The following RAPGEF2 variants were observed in gnomAD, a reference collection of about 807,000 sequenced individuals.
RAPGEF2 encodes Rap guanine nucleotide exchange factor 2.
In RAPGEF2, 54 loss-of-function variants were observed where a neutral mutation model predicts 186.7. That is an observed-to-expected ratio of 0.29 (90% CI 0.23 to 0.36). RAPGEF2 has a LOEUF of 0.36. Among genes scored for constraint, RAPGEF2 ranks in the 10% least tolerant of loss-of-function variants. RAPGEF2 has a pLI of 1.00. For synonymous variants in RAPGEF2, 712 were observed against 705.9 expected (o/e 1.01, Z -0.14); for missense variants, 1,532 against 2,045.0 (o/e 0.75, Z 4.84).
At chr4:159,153,873 A>AGGACATATACAAGCCTCATT (rs1743825111) in intron 1 of RAPGEF2, among the ~76,000 whole-genome samples, 2 of 152,240 alleles carry the variant, frequency 1.3e-5, no homozygotes, top group African/African-American at 2.4e-5. Flanking sequence ...TTGCATTAAA[A>AGGACATATACAAGCCTCATT]GGACATATAC....
At chr4:159,330,111 A>C (rs1204142140) in intron 12 of RAPGEF2, 101 bp downstream of exon 12, 2 of 1,246,844 alleles carry the variant, frequency 1.6e-6, no homozygotes, top group African/African-American at 3.0e-5. Flanking sequence ...CTATCTCTTA[A>C]AGGTTATCAG....
At chr4:159,105,358 T>A (rs1737762591) in intron 1 of RAPGEF2, among the ~76,000 whole-genome samples, 1 of 152,184 alleles carries the variant, frequency 6.6e-6, no homozygotes, top group African/African-American at 2.4e-5. Context: ...ATGCTCTCCT[T>A]CTCTGATGTT....
At chr4:159,267,838 A>G in intron 7 of RAPGEF2, 2 of 1,053,424 alleles carry the variant, frequency 1.9e-6, no homozygotes, top group Non-Finnish European at 2.3e-6. Context: ...CTTGTTCTTC[A>G]ATCTCAGAAA....
chr4:159,175,951 A>C (rs903773769), intron 1 of RAPGEF2, among the ~76,000 whole-genome samples: 5 of 152,184 alleles, frequency 3.3e-5, no homozygotes, highest in Admixed American at 6.5e-5. Flanking sequence ...AGAGAAGACG[A>C]GTGTCTTTGT....
intron 8 of RAPGEF2, among the ~76,000 whole-genome samples, chr4:159,310,817 CTTTAT>C (rs906996108): frequency 2.6e-4 from 40 of 151,870 alleles, no homozygotes; most frequent in African/African-American, 8.4e-4. Flanking sequence ...GTTTTAGTGT[CTTTAT>C]TTAGAAAAAA....
intron 1 of RAPGEF2, among the ~76,000 whole-genome samples, chr4:159,173,669 T>C (rs952888651): frequency 1.3e-5 from 2 of 152,172 alleles, no homozygotes; most frequent in African/African-American, 4.8e-5. Context: ...TATTTTTTAA[T>C]TGAAATTGAA....
chr4:159,112,592 T>G (rs1021401752), intron 1 of RAPGEF2, among the ~76,000 whole-genome samples: 1 of 151,990 alleles, frequency 6.6e-6, no homozygotes, highest in African/African-American at 2.4e-5. Flanking sequence ...CATACTGATA[T>G]AAGTAAGTAG....
intron 1 of RAPGEF2, among the ~76,000 whole-genome samples, chr4:159,145,754 G>C (rs1351236422): frequency 6.6e-6 from 1 of 152,174 alleles, no homozygotes; most frequent in African/African-American, 2.4e-5. Flanking sequence ...TTGGGCCTGA[G>C]GGGAGGTTTC....
chr4:159,267,953 T>C, intron 7 of RAPGEF2: 1 of 1,369,256 alleles, frequency 7.3e-7, no homozygotes, highest in Non-Finnish European at 9.4e-7. Context: ...AGACGAACAC[T>C]GTTGTTCGGA....
Position 159,188,257 on chromosome 4 carries a change from C to A in RAPGEF2, c.140+1545C>A, listed in dbSNP as rs1050876744. Among the ~76,000 whole-genome samples, 6 of 152,034 alleles carry A rather than the reference C, an allele frequency of 3.9e-5. No individual in the cohort carries two copies. In the East Asian group the frequency reaches 1.2e-3, roughly 29 times the overall value. On this transcript the variant is annotated intron_variant, in intron 2 of 29. Coordinates refer to ENST00000691494, the MANE Select transcript of RAPGEF2 (RefSeq NM_001394067.2). ...CACATTCCCACTGTGCACATAAAAC[C>A]ACACATGTAATATTTAGATATATTG...
chr4:159,282,735 A>C (rs1345111945), intron 7 of RAPGEF2: 2 of 398,842 alleles, frequency 5.0e-6, no homozygotes, highest in Non-Finnish European at 9.8e-6. Context: ...CTCACAACTT[A>C]ATATAGATTA....
chr4:159,308,376 T>C (rs1763559588), intron 8 of RAPGEF2, among the ~76,000 whole-genome samples: 1 of 152,230 alleles, frequency 6.6e-6, no homozygotes, highest in Non-Finnish European at 1.5e-5. Context: ...TAACATTTAG[T>C]AGAGATTTTC....
At chr4:159,319,191 T>C (rs1367749708) in intron 9 of RAPGEF2, among the ~76,000 whole-genome samples, 1 of 152,178 alleles carries the variant, frequency 6.6e-6, no homozygotes, top group Non-Finnish European at 1.5e-5. Flanking sequence ...AGACTGGTAC[T>C]GGTCCCTGAC....
chr4:159,225,022 TGAA>T (rs769824413), intron 4 of RAPGEF2, among the ~76,000 whole-genome samples: 3 of 152,112 alleles, frequency 2.0e-5, no homozygotes, highest in Admixed American at 6.6e-5. Flanking sequence ...AGAGTTGAAA[TGAA>T]GATACTTGAT....
At chr4:159,193,026 A>G (rs1748276054) in intron 2 of RAPGEF2, among the ~76,000 whole-genome samples, 174 bp from the exon 3 acceptor site, 2 of 152,208 alleles carry the variant, frequency 1.3e-5, no homozygotes, top group Admixed American at 6.5e-5. Context: ...ATTTAATGTA[A>G]TGTAATTTTA....
chr4:159,241,184 G>A lies in RAPGEF2; in HGVS notation c.358-17G>A. 1.4e-6 allele frequency: 2 copies of A among 1,476,720 alleles called. No homozygotes were observed. The highest frequency in any genetic ancestry group is 1.8e-6 in the Non-Finnish European group (2 of 1,114,162). 91.5% of individuals were successfully genotyped at this position (1,476,720 alleles called of 1,614,324 possible). On this transcript the variant is annotated splice_polypyrimidine_tract_variant and intron_variant, in intron 5 of 29. Transcript: ENST00000691494. ...GTTGTGTTTGGAGAAATGAAATTTT[G>A]GGGGGTTTTATTTCAGGTGGACTAT...
At chr4:159,160,493 G>A (rs1309908851) in intron 1 of RAPGEF2, among the ~76,000 whole-genome samples, 5 of 152,206 alleles carry the variant, frequency 3.3e-5, no homozygotes, top group Non-Finnish European at 5.9e-5. Context: ...GATATTGTTG[G>A]CAGTGTTGGG....
Position 159,247,755 on chromosome 4 carries a change from C to CTTTT in RAPGEF2, c.543+3986_543+3989dup, listed in dbSNP as rs56053207. ...AGAAGAAAGTAGAAATAATTTGTTT[C>CTTTT]TTTTTTTTTTTTTTTTTTTTTTTTT... On this transcript the variant is annotated intron_variant, in intron 7 of 29. Transcript: ENST00000691494. Among the ~76,000 whole-genome samples, 319 of 83,456 alleles carry CTTTT rather than the reference C, an allele frequency of 3.8e-3. 5 individuals are homozygous for CTTTT. The highest frequency in any genetic ancestry group is 0.013 in the African/African-American group (266 of 21,158). 54.8% of individuals were successfully genotyped at this position (83,456 alleles called of 152,430 possible). A position where few individuals can be genotyped will look rare whatever the true frequency, so the allele number is the denominator to read the frequency against.
At chr4:159,322,791 A>G (rs116463096) in intron 10 of RAPGEF2, among the ~76,000 whole-genome samples, 2,197 of 152,280 alleles carry the variant, frequency 0.014, 50 homozygotes, top group African/African-American at 0.05. Context: ...GCAAGAGGAA[A>G]AATGAGGAAG....
Sources: allele counts gnomAD v4.1 joint callset (sites outside exome capture counted in the v4.1 genomes callset), GRCh38; gene constraint gnomAD v4.1.1; transcripts MANE v1.5; gene names NCBI Gene and HGNC (gene_info 2026-07-23, HGNC 2026-07-21).